MYO3B: variants seen among roughly 807,000 people sequenced by gnomAD.
The protein encoded by MYO3B is myosin IIIB, also known as myosin-IIIb.
MYO3B carries 156 observed loss-of-function variants against 174.6 expected under a neutral mutation model. The observed-to-expected ratio is 0.89, with a 90% CI of 0.78 to 1.02. The LOEUF is 1.02. Among genes scored for constraint, MYO3B ranks in the 50% least tolerant of loss-of-function variants. MYO3B has a pLI of 0.00. For synonymous variants in MYO3B, 563 were observed against 569.1 expected, an observed-to-expected ratio of 0.99 and a Z score of 0.15; for missense variants, 1,632 against 1,639.4, an observed-to-expected ratio of 1.00 and a Z score of 0.08.
At chr2:170,217,781 A>G (rs2092847423) in intron 6 of MYO3B, among the ~76,000 whole-genome samples, 1 of 152,248 alleles carries the variant, frequency 6.6e-6, no homozygotes, top group African/African-American at 2.4e-5. Context: ...CAACTGGCCT[A>G]CAGAACTATA....
chr2:170,253,746 G>A (rs187034404), intron 7 of MYO3B, among the ~76,000 whole-genome samples: 1 of 152,196 alleles, frequency 6.6e-6, no homozygotes, highest in Non-Finnish European at 1.5e-5. Flanking sequence ...GTATTCCAGA[G>A]GCCAAGGAAG....
chr2:170,385,773 A>G (rs2094369659), intron 12 of MYO3B: 1 of 153,534 alleles, frequency 6.5e-6, no homozygotes, highest in Non-Finnish European at 1.4e-5. Flanking sequence ...AGGCACTTTC[A>G]CATATTGGTA....
At chr2:170,539,525 C>A (rs1019370005) in intron 30 of MYO3B, among the ~76,000 whole-genome samples, 1 of 152,200 alleles carries the variant, frequency 6.6e-6, no homozygotes, top group African/African-American at 2.4e-5. Flanking sequence ...AGGTTAGCCA[C>A]CTGTATGGTG....
At chr2:170,464,593 A>G (rs992960938) in intron 24 of MYO3B, among the ~76,000 whole-genome samples, 3 of 152,094 alleles carry the variant, frequency 2.0e-5, no homozygotes, top group African/African-American at 7.2e-5. Context: ...AGCCTAGCCA[A>G]TTGTGCTTCA....
At chr2:170,322,526 G>C (rs894410363) in intron 7 of MYO3B, among the ~76,000 whole-genome samples, 1 of 152,202 alleles carries the variant, frequency 6.6e-6, no homozygotes, top group Non-Finnish European at 1.5e-5. Context: ...GTGTGAGAGG[G>C]GGTGCTGCTG....
chr2:170,227,094 A>C (rs2105395908), intron 6 of MYO3B, among the ~76,000 whole-genome samples: 1 of 152,258 alleles, frequency 6.6e-6, no homozygotes, highest in African/African-American at 2.4e-5. Flanking sequence ...ATTCCCACCC[A>C]AGCCAAACTC....
chr2:170,491,560 G>A (rs370187199), intron 25 of MYO3B, among the ~76,000 whole-genome samples: 1 of 152,106 alleles, frequency 6.6e-6, no homozygotes, highest in African/African-American at 2.4e-5. Flanking sequence ...CGAGTAGCTG[G>A]GACTATAGGT....
chr2:170,533,144 C>T (rs568991960), intron 30 of MYO3B, among the ~76,000 whole-genome samples: 34 of 152,256 alleles, frequency 2.2e-4, no homozygotes, highest in African/African-American at 7.0e-4. Flanking sequence ...GTCATCATTG[C>T]CGTGCTCAGT....
chr2:170,275,525 G>A (rs1466017752), intron 7 of MYO3B, among the ~76,000 whole-genome samples: 1 of 152,062 alleles, frequency 6.6e-6, no homozygotes, highest in Non-Finnish European at 1.5e-5. Flanking sequence ...TTATTTTTGA[G>A]AGATGAATCT....
At chr2:170,217,506 A>G (rs1398703453) in intron 6 of MYO3B, 111 bp downstream of exon 6, 8 of 877,004 alleles carry the variant, frequency 9.1e-6, no homozygotes, top group Middle Eastern at 2.2e-4. Flanking sequence ...AAGAAAGTCC[A>G]TTATCCTCAT....
intron 7 of MYO3B, among the ~76,000 whole-genome samples, chr2:170,259,176 C>T (rs2093326973): frequency 6.6e-6 from 1 of 152,134 alleles, no homozygotes; most frequent in Non-Finnish European, 1.5e-5. Context: ...TCCTATGAAA[C>T]TACCGATGTC....
intron 7 of MYO3B, among the ~76,000 whole-genome samples, chr2:170,243,220 G>C (rs2093154577): frequency 6.6e-6 from 1 of 152,196 alleles, no homozygotes; most frequent in African/African-American, 2.4e-5. Context: ...TCTCTGGGTG[G>C]TTCTGCAGAT....
At chr2:170,298,739 G>A (rs2093645378) in intron 7 of MYO3B, among the ~76,000 whole-genome samples, 1 of 151,686 alleles carries the variant, frequency 6.6e-6, no homozygotes, top group African/African-American at 2.4e-5. Flanking sequence ...GTTTTGGATG[G>A]ATGGAGTTTT....
At chr2:170,360,160 G>T (rs566244792) in intron 8 of MYO3B, among the ~76,000 whole-genome samples, 1 of 152,240 alleles carries the variant, frequency 6.6e-6, no homozygotes, top group South Asian at 2.1e-4. Flanking sequence ...GTTAGAGGAT[G>T]GCTGGGTACT....
At chr2:170,374,222 G>C (rs1217224523) in intron 9 of MYO3B, among the ~76,000 whole-genome samples, 1 of 152,162 alleles carries the variant, frequency 6.6e-6, no homozygotes, top group African/African-American at 2.4e-5. Context: ...TGATGAGTGG[G>C]CAAGGAAGCA....
intron 1 of MYO3B, among the ~76,000 whole-genome samples, chr2:170,189,154 A>G (rs977113838): frequency 3.3e-5 from 5 of 152,044 alleles, no homozygotes; most frequent in Admixed American, 6.6e-5. Flanking sequence ...TCCTTCAGCA[A>G]TTTAAATATG....
intron 23 of MYO3B, among the ~76,000 whole-genome samples, chr2:170,458,684 G>A (rs1197825164): frequency 6.6e-6 from 1 of 152,146 alleles, no homozygotes; most frequent in Non-Finnish European, 1.5e-5. Flanking sequence ...GGAGTTTTGG[G>A]GCTGGCTTTG....
intron 32 of MYO3B, among the ~76,000 whole-genome samples, chr2:170,603,362 T>C (rs546934078): frequency 6.6e-6 from 1 of 152,338 alleles, no homozygotes; most frequent in South Asian, 2.1e-4. Context: ...GCATATTATC[T>C]AAGAAAATAC....
At chr2:170,484,550 C>G (rs546595954) in intron 25 of MYO3B, among the ~76,000 whole-genome samples, 2 of 152,216 alleles carry the variant, frequency 1.3e-5, no homozygotes, top group East Asian at 3.9e-4. Flanking sequence ...GAGGAGGCAG[C>G]AGTAGCAGTA....
Sources: allele counts gnomAD v4.1 joint callset (sites outside exome capture counted in the v4.1 genomes callset), GRCh38; gene constraint gnomAD v4.1.1; transcripts MANE v1.5; gene names NCBI Gene and HGNC (gene_info 2026-07-23, HGNC 2026-07-21).